RBPJ: variants seen among roughly 807,000 people sequenced by gnomAD.
RBPJ encodes the protein recombining binding protein suppressor of hairless.
Under a neutral mutation model 67.8 loss-of-function variants are expected in RBPJ, and 9 were observed. That is an observed-to-expected ratio of 0.13 (90% CI 0.08 to 0.23). The LOEUF is 0.23. Ranked by LOEUF, RBPJ falls within the 10% of genes least tolerant of loss-of-function variation. RBPJ has a pLI of 1.00. For synonymous variants in RBPJ, 198 were observed against 203.3 expected (o/e 0.97, Z 0.22); for missense variants, 305 against 595.6 (o/e 0.51, Z 5.08).
chr4:26,152,330 C>G, the RBPJ span, among the ~76,000 whole-genome samples: 1 of 152,146 alleles, frequency 6.6e-6, no homozygotes, highest in African/African-American at 2.4e-5. Context: ...TCCAGGTACG[C>G]CCTGAACACT....
intron 7 of RBPJ, 96 bp from the exon 8 acceptor site, chr4:26,428,624 A>C: frequency 1.2e-6 from 1 of 834,292 alleles, no homozygotes; most frequent in Non-Finnish European, 2.0e-6. Flanking sequence ...ATGTATTATT[A>C]TGCAGTATAT....
chr4:26,403,142 T>C lies in RBPJ; in HGVS notation c.60-3033T>C, dbSNP rs190526171. Among the ~76,000 whole-genome samples, 178 of 152,286 alleles carry C rather than the reference T, an allele frequency of 1.2e-3. 1 individual carries two copies. The highest frequency in any genetic ancestry group is 8.5e-4 in the Non-Finnish European group (58 of 68,034). Reference sequence around the variant, plus strand: ...GATCTCTCATTGCCTTTCGTTTAGATTGAAAATTCAGTTTCTATAGTATTG... The same window carrying C: ...GATCTCTCATTGCCTTTCGTTTAGACTGAAAATTCAGTTTCTATAGTATTG... On this transcript the variant is annotated intron_variant, in intron 2 of 10. Coordinates refer to ENST00000355476, the MANE Select transcript of RBPJ (RefSeq NM_015874.6).
intron 1 of RBPJ, among the ~76,000 whole-genome samples, chr4:26,306,031 C>T (rs1304718561): frequency 1.2e-5 from 1 of 81,802 alleles, no homozygotes; most frequent in African/African-American, 5.5e-5. Context: ...GGTGATCCAC[C>T]CACCTAGCCT....
chr4:26,362,467 C>T, intron 1 of RBPJ: 1 of 1,457,200 alleles, frequency 6.9e-7, no homozygotes, highest in Non-Finnish European at 9.0e-7. Flanking sequence ...ATGAGACTAT[C>T]ATTCAAATGG....
In RBPJ at chr4:26,430,389, C is replaced by G; in HGVS notation, c.1045-30C>G. On this transcript the variant is annotated intron_variant, in intron 9 of 10. Transcript: ENST00000355476. This position sits in a 1 kb window ranked among gnomAD's most constrained non-coding sequence, Gnocchi z 4.1. Reference sequence around the variant, plus strand: ...ACTTTAATGAAAAATGAAAAGTTTTCTCAGTGTTGTGATTTTCTGTGAATT... The same window carrying G: ...ACTTTAATGAAAAATGAAAAGTTTTGTCAGTGTTGTGATTTTCTGTGAATT... The G allele has an allele frequency of 1.9e-6, 3 of 1,542,760 alleles. No homozygotes were observed. Among genetic ancestry groups the G allele is most frequent in the Non-Finnish European group, 2.7e-6 (3 of 1,117,022 alleles).
intron 1 of RBPJ, among the ~76,000 whole-genome samples, chr4:26,329,477 A>G (rs574476463): frequency 5.6e-4 from 86 of 152,310 alleles, no homozygotes; most frequent in Non-Finnish European, 1.1e-3. Context: ...TTGTACTGTA[A>G]GTCACTAAAA....
the RBPJ span, among the ~76,000 whole-genome samples, chr4:26,146,268 AAAGTGCC>A: frequency 6.6e-6 from 1 of 152,196 alleles, no homozygotes; most frequent in Non-Finnish European, 1.5e-5. Flanking sequence ...ATTTTCAACA[AAAGTGCC>A]AACATAATTT....
Position 26,424,235 on chromosome 4 carries a change from A to C in RBPJ, c.497-107A>C. 1 of 1,065,074 alleles carries C rather than the reference A, an allele frequency of 9.4e-7. No individual in the cohort carries two copies. The highest frequency in any genetic ancestry group is 1.4e-6 in the Non-Finnish European group (1 of 724,886). 66.0% of individuals were successfully genotyped at this position (1,065,074 alleles called of 1,614,324 possible). A position where few individuals can be genotyped will look rare whatever the true frequency, so the allele number is the denominator to read the frequency against. ...AGTGAAAATATTTGTCAAACTGTTA[A>C]ATGATAAGAAAGAATAATTATACAC... On this transcript the variant is annotated intron_variant, in intron 5 of 10. Coordinates refer to ENST00000355476, the MANE Select transcript of RBPJ (RefSeq NM_015874.6). This position sits in a 1 kb window ranked among gnomAD's most constrained non-coding sequence, Gnocchi z 5.3.
intron 1 of RBPJ, among the ~76,000 whole-genome samples, chr4:26,349,614 T>C (rs1265978955): frequency 2.0e-5 from 3 of 152,204 alleles, no homozygotes; most frequent in Admixed American, 2.0e-4. Flanking sequence ...CAGGCAGCTA[T>C]TTGTCTTCAC....
Position 26,407,145 on chromosome 4 carries a change from T to G in RBPJ, c.155+875T>G, listed in dbSNP as rs138509634. 3.1e-4 allele frequency among the ~76,000 whole-genome samples: 47 copies of G among 152,354 alleles called. 1 individual carries two copies. The East Asian group carries it at 8.7e-3, about 28-fold the overall frequency. On this transcript the variant is annotated intron_variant, in intron 3 of 10. Transcript: ENST00000355476. The stretch of plus-strand genomic sequence containing the variant: ...TACATTAGCTTATTCACAAAGAAGC[T>G]TTCTTTTTGGTGGAAAATGTAGTTT...
At chr4:26,317,923 C>A (rs1722710047), upstream of RBPJ, among the ~76,000 whole-genome samples, 1 of 152,090 alleles carries the variant, frequency 6.6e-6, no homozygotes, top group African/African-American at 2.4e-5. Context: ...GGCCATGATT[C>A]CAAATTAGAT....
chr4:26,286,062 G>T (rs373795178), intron 1 of RBPJ, among the ~76,000 whole-genome samples: 1 of 127,868 alleles, frequency 7.8e-6, no homozygotes, highest in Non-Finnish European at 1.6e-5. Flanking sequence ...TGATCGTGCC[G>T]CTGCACTCCA....
In RBPJ at chr4:26,215,440, C is replaced by T. The variant is rs545100225; in HGVS notation, c.-167+51826C>T. On this transcript the variant is annotated intron_variant, in intron 1 of 4. Transcript: ENST00000512351. ...GGAAGGGAGGGAGGGAAGGGGACGACTACATCAAAGAGGGACAAAAACAAC... is the reference window on the plus strand; with the variant it reads ...GGAAGGGAGGGAGGGAAGGGGACGATTACATCAAAGAGGGACAAAAACAAC... Among the ~76,000 whole-genome samples the T allele has an allele frequency of 3.6e-5, 5 of 138,768 alleles. No individual in the cohort carries two copies. In the East Asian group the frequency reaches 9.9e-4, roughly 27 times the overall value. 91.0% of individuals were successfully genotyped at this position (138,768 alleles called of 152,430 possible). A position where few individuals can be genotyped will look rare whatever the true frequency, so the allele number is the denominator to read the frequency against.
intron 1 of RBPJ, among the ~76,000 whole-genome samples, chr4:26,213,309 A>G (rs1718501193): frequency 6.6e-6 from 1 of 152,194 alleles, no homozygotes; most frequent in South Asian, 2.1e-4. Flanking sequence ...TGGTGGGAAG[A>G]AAATCCCCCA....
At chr4:26,351,633 G>A (rs1037156020) in intron 1 of RBPJ, among the ~76,000 whole-genome samples, 1 of 152,188 alleles carries the variant, frequency 6.6e-6, no homozygotes, top group Non-Finnish European at 1.5e-5. Flanking sequence ...CGCCTGCCTT[G>A]GCCTCCCAGA....
chr4:26,363,618 T>C (rs1368996051), intron 1 of RBPJ, among the ~76,000 whole-genome samples: 1 of 152,046 alleles, frequency 6.6e-6, no homozygotes, highest in East Asian at 1.9e-4. Flanking sequence ...TTTGTATTTT[T>C]AGTAGAGACG....
At chr4:26,319,828 C>G, upstream of RBPJ, 1 of 1,571,152 alleles carries the variant, frequency 6.4e-7, no homozygotes, top group South Asian at 1.1e-5. Flanking sequence ...GGAGGCAGTG[C>G]TGGATCTGGG....
At chr4:26,428,488 G>A in intron 7 of RBPJ, 1 of 371,686 alleles carries the variant, frequency 2.7e-6, no homozygotes, top group Non-Finnish European at 4.8e-6. Flanking sequence ...TTTTTTTTTA[G>A]ATGTTCAGGG....
At chr4:26,160,884 G>A (rs1716064920), upstream of RBPJ, among the ~76,000 whole-genome samples, 2 of 152,202 alleles carry the variant, frequency 1.3e-5, no homozygotes, top group South Asian at 4.1e-4. Flanking sequence ...ACAGTCTATT[G>A]AGGGGAAAGG....
Sources: gnomAD v4.1 joint callset for allele counts (sites outside exome capture counted in the v4.1 genomes callset) on GRCh38, gnomAD v4.1.1 for gene constraint, Gnocchi (gnomAD v3.1) non-coding constraint, MANE v1.5 for transcripts, NCBI Gene and HGNC (gene_info 2026-07-23, HGNC 2026-07-21) for gene names.